SORCS2: variants seen among roughly 807,000 people sequenced by gnomAD.
SORCS2 encodes VPS10 domain-containing receptor SorCS2.
SORCS2 carries 100 observed loss-of-function variants against 141.6 expected under a neutral mutation model. The ratio of observed to expected loss-of-function variants is 0.71; its 90% CI spans 0.60 to 0.83. SORCS2 has a LOEUF of 0.83. SORCS2 is among the 40% of genes least tolerant of loss of function. SORCS2 has a pLI of 0.00. For synonymous variants in SORCS2, 789 were observed against 676.9 expected (o/e 1.17, Z -2.57); for missense variants, 1,646 against 1,560.2 (o/e 1.05, Z -0.93).
intron 1 of SORCS2, among the ~76,000 whole-genome samples, chr4:7,194,079 G>A (rs1426791679): frequency 6.6e-6 from 1 of 152,160 alleles, no homozygotes; most frequent in Non-Finnish European, 1.5e-5. Context: ...CCCTGGTGGG[G>A]CTCTAGTTTT....
intron 1 of SORCS2, among the ~76,000 whole-genome samples, chr4:7,301,092 G>A (rs1393247680): frequency 1.3e-5 from 2 of 152,164 alleles, no homozygotes; most frequent in African/African-American, 2.4e-5. Flanking sequence ...TTGTTTCCTC[G>A]GCCCAGCCCT....
intron 1 of SORCS2, among the ~76,000 whole-genome samples, chr4:7,298,317 G>C (rs866806734): frequency 4.6e-5 from 7 of 152,184 alleles, no homozygotes; most frequent in African/African-American, 1.7e-4. Context: ...GAAGGGTTGG[G>C]GTATAGGAAA....
intron 2 of SORCS2, among the ~76,000 whole-genome samples, chr4:7,412,517 C>G (rs1386885076): frequency 1.2e-4 from 19 of 152,130 alleles, no homozygotes; most frequent in Admixed American, 1.2e-3. Flanking sequence ...GTCTCAGATG[C>G]TTTTTTAAGA....
chr4:7,638,417 T>A lies in SORCS2; in HGVS notation c.738T>A (p.Ile246=). The A allele has an allele frequency of 1.2e-6, 2 of 1,602,486 alleles. No homozygotes were observed. Among genetic ancestry groups the A allele is most frequent in the South Asian group, 2.2e-5 (2 of 89,580 alleles). The part of the protein sequence containing the change: ...DEGATFQKQP[I]PFFVETLIFH... ...GCGCCACCTTTCAGAAGCAGCCCATTCCCTTCTTCGTGGAAACTCTGATTT... is the reference window on the plus strand; with the variant it reads ...GCGCCACCTTTCAGAAGCAGCCCATACCCTTCTTCGTGGAAACTCTGATTT... Residue 246 remains isoleucine, a synonymous_variant, in exon 4 of 27, where the codon ATT becomes ATA. Transcript: ENST00000507866.
At chr4:7,728,322 C>G (rs756985708) in intron 21 of SORCS2, 28 bp from the exon 22 acceptor site, 1 of 1,562,054 alleles carries the variant, frequency 6.4e-7, no homozygotes. Flanking sequence ...CCAGAACTGA[C>G]CAGTCTCCCT....
chr4:7,369,069 G>T (rs1026801282), intron 1 of SORCS2, among the ~76,000 whole-genome samples: 8 of 152,158 alleles, frequency 5.3e-5, no homozygotes, highest in Admixed American at 3.9e-4. Context: ...TACTTTGGGA[G>T]GTCAAGGCGG....
rs190226610 is a variant in SORCS2, at chr4:7,733,872, G to A, written c.3209-400G>A. Among the ~76,000 whole-genome samples the A allele has an allele frequency of 4.5e-3, 681 of 152,294 alleles. 25 individuals carry two copies. Among genetic ancestry groups the A allele is most frequent in the Admixed American group, 0.042 (638 of 15,304 alleles). On this transcript the variant is annotated intron_variant, in intron 24 of 26. Transcript: ENST00000507866. ...CCCAGTGGGAGCCAGGTCAAGGGGC[G>A]GGGACCTCTCCAAGGCCACACAGGA...
At chr4:7,468,611 T>C (rs1185521305) in intron 2 of SORCS2, among the ~76,000 whole-genome samples, 2 of 152,266 alleles carry the variant, frequency 1.3e-5, no homozygotes, top group Non-Finnish European at 2.9e-5. Context: ...AGCGTTCTTG[T>C]GCTTTCACAG....
At chr4:7,463,316 CTG>C (rs970881918) in intron 2 of SORCS2, among the ~76,000 whole-genome samples, 5 of 152,174 alleles carry the variant, frequency 3.3e-5, no homozygotes, top group African/African-American at 1.2e-4. Context: ...GGCTTTGAAA[CTG>C]GACATAGTCC....
At chr4:7,430,582 T>G (rs1422919582) in intron 2 of SORCS2, 3 of 152,028 alleles carry the variant, frequency 2.0e-5, no homozygotes, top group African/African-American at 7.3e-5. Context: ...TGCAGGTACT[T>G]GCTCGGCTCT....
chr4:7,538,794 AG>A (rs1712337916), intron 3 of SORCS2, among the ~76,000 whole-genome samples: 1 of 152,172 alleles, frequency 6.6e-6, no homozygotes, highest in Non-Finnish European at 1.5e-5. Flanking sequence ...GTGTCTTCGT[AG>A]GGGAACTGCC....
intron 19 of SORCS2, among the ~76,000 whole-genome samples, chr4:7,724,738 AG>A (rs1727012764): frequency 1.1e-4 from 1 of 9,292 alleles, no homozygotes; most frequent in Non-Finnish European, 2.1e-4. Context: ...GGATGGTGGT[AG>A]TAGTGGTGAT....
chr4:7,690,522 GATGA>G (rs1176694723), intron 11 of SORCS2, among the ~76,000 whole-genome samples: 3 of 151,708 alleles, frequency 2.0e-5, no homozygotes, highest in Non-Finnish European at 2.9e-5. Flanking sequence ...TGGATGGATA[GATGA>G]ATGGATGGAT....
chr4:7,226,022 G>A (rs906335750), intron 1 of SORCS2, among the ~76,000 whole-genome samples: 6 of 152,288 alleles, frequency 3.9e-5, no homozygotes, highest in Middle Eastern at 6.8e-3. Flanking sequence ...CAAAGCACTT[G>A]GGGCTGTGTT....
intron 1 of SORCS2, among the ~76,000 whole-genome samples, chr4:7,283,413 A>G (rs892561118): frequency 1.3e-5 from 2 of 152,174 alleles, no homozygotes; most frequent in South Asian, 4.1e-4. Flanking sequence ...AGTGCCTGGC[A>G]CTCAGTAGGG....
At chr4:7,335,970 C>T (rs1280693859) in intron 1 of SORCS2, among the ~76,000 whole-genome samples, 2 of 152,180 alleles carry the variant, frequency 1.3e-5, no homozygotes, top group South Asian at 2.1e-4. Flanking sequence ...CCCTCCTGGC[C>T]GGGGCTTGGC....
intron 1 of SORCS2, among the ~76,000 whole-genome samples, chr4:7,379,971 G>A (rs1203208189): frequency 6.6e-6 from 1 of 152,206 alleles, no homozygotes; most frequent in Non-Finnish European, 1.5e-5. Flanking sequence ...CCCATCCCCA[G>A]TCTGCCGGTT....
intron 3 of SORCS2, among the ~76,000 whole-genome samples, chr4:7,619,596 G>T (rs1719015725): frequency 1.3e-5 from 2 of 152,174 alleles, no homozygotes; most frequent in African/African-American, 4.8e-5. Context: ...AATGACTGTG[G>T]TCCCTGGAGA....
intron 3 of SORCS2, among the ~76,000 whole-genome samples, chr4:7,561,632 T>TC (rs1560387576): frequency 4.3e-5 from 5 of 115,032 alleles, no homozygotes; most frequent in African/African-American, 1.9e-4. Flanking sequence ...ATCTACCCAT[T>TC]CATCTACCCA....
Sources: gnomAD v4.1 joint callset for allele counts (sites outside exome capture counted in the v4.1 genomes callset) on GRCh38, gnomAD v4.1.1 for gene constraint, MANE v1.5 for transcripts, NCBI Gene and HGNC (gene_info 2026-07-23, HGNC 2026-07-21) for gene names.